The following SLC25A26 variants were observed in gnomAD, a reference collection of about 807,000 sequenced individuals.
SLC25A26 encodes mitochondrial S-adenosylmethionine carrier protein.
Under a neutral mutation model 37.8 loss-of-function variants are expected in SLC25A26, and 36 were observed. That is an observed-to-expected ratio of 0.95 (90% CI 0.73 to 1.26). SLC25A26 has a LOEUF of 1.26. Ranked by LOEUF, SLC25A26 falls within the 50% of genes most tolerant of loss-of-function variation. SLC25A26 has a pLI of 0.00. For missense variants in SLC25A26, 390 were observed against 331.1 expected (o/e 1.18, Z -1.38); for synonymous variants, 129 against 122.5 (o/e 1.05, Z -0.35).
intron 1 of SLC25A26, among the ~76,000 whole-genome samples, chr3:66,179,269 C>T (rs930085323): frequency 1.3e-5 from 2 of 152,142 alleles, no homozygotes; most frequent in African/African-American, 4.8e-5. Flanking sequence ...AAGCTCCAAG[C>T]AAAATTGCCG....
In SLC25A26 at chr3:66,250,857, G is replaced by C. The variant is rs150054229; in HGVS notation, c.300+7545G>C. 2.0e-5 allele frequency among the ~76,000 whole-genome samples: 3 copies of C among 152,202 alleles called. No individual in the cohort carries two copies. The East Asian group carries it at 5.8e-4, about 29-fold the overall frequency. Reference sequence around the variant, plus strand: ...TAAAAAAATTGTGCATCTATTTAAGGTATCAACACAATGTGGGATACGTAT... The same window carrying C: ...TAAAAAAATTGTGCATCTATTTAAGCTATCAACACAATGTGGGATACGTAT... On this transcript the variant is annotated intron_variant, in intron 3 of 9. Coordinates refer to ENST00000354883, the MANE Select transcript of SLC25A26 (RefSeq NM_001379210.1).
In SLC25A26 at chr3:66,262,058, GC is replaced by G; in HGVS notation, c.310del (p.Leu104Ter). ...ATCAAATTTGTCTTTTAGGTTGCCT[GC>G]CTGATTCGAGTTCCATCTGAAGTGG... ...LAASAGEVVA[C>X]LIRVPSEVVK... On this transcript the variant is annotated frameshift_variant, in exon 4 of 10. Transcript: ENST00000354883. LOFTEE classifies it high-confidence loss of function. The G allele has an allele frequency of 1.9e-6, 3 of 1,570,500 alleles. No homozygotes were observed. The highest frequency in any genetic ancestry group is 8.6e-7 in the Non-Finnish European group (1 of 1,156,328).
At chr3:66,146,555 G>T (rs1427344096) in intron 1 of SLC25A26, among the ~76,000 whole-genome samples, 1 of 151,886 alleles carries the variant, frequency 6.6e-6, no homozygotes, top group East Asian at 1.9e-4. Flanking sequence ...GGGGGGAAGA[G>T]AAAACTAATA....
intron 5 of SLC25A26, among the ~76,000 whole-genome samples, chr3:66,298,806 C>A (rs1387599064): frequency 6.6e-6 from 1 of 152,154 alleles, no homozygotes; most frequent in Non-Finnish European, 1.5e-5. Context: ...TACAGGATGA[C>A]GTTGCTATTT....
chr3:66,307,543 G>A (rs1022485975), intron 5 of SLC25A26, among the ~76,000 whole-genome samples: 20 of 152,204 alleles, frequency 1.3e-4, no homozygotes, highest in East Asian at 3.9e-4. Context: ...TGTTGTTGCC[G>A]TTGCTTTTGG....
intron 5 of SLC25A26, among the ~76,000 whole-genome samples, chr3:66,330,607 A>G (rs953360818): frequency 1.3e-5 from 2 of 150,714 alleles, no homozygotes; most frequent in African/African-American, 4.9e-5. Flanking sequence ...TAATATCTAT[A>G]TAAGTGATCC....
intron 1 of SLC25A26, among the ~76,000 whole-genome samples, chr3:66,167,968 A>G (rs1393568309): frequency 6.6e-6 from 1 of 151,862 alleles, no homozygotes; most frequent in Non-Finnish European, 1.5e-5. Context: ...AGCCTGACCA[A>G]CATGGAGAAA....
At chr3:66,144,057 T>A (rs2070078331) in intron 1 of SLC25A26, among the ~76,000 whole-genome samples, 1 of 151,724 alleles carries the variant, frequency 6.6e-6, no homozygotes, top group Admixed American at 6.6e-5. Flanking sequence ...ATACACAAAG[T>A]GGGGTAATAT....
intron 1 of SLC25A26, among the ~76,000 whole-genome samples, chr3:66,231,965 A>T (rs917870361): frequency 6.6e-6 from 1 of 152,088 alleles, no homozygotes; most frequent in Non-Finnish European, 1.5e-5. Context: ...CTATGTAGCA[A>T]TTCATTATTT....
At chr3:66,295,227 T>C (rs1008787049) in intron 5 of SLC25A26, among the ~76,000 whole-genome samples, 1 of 149,236 alleles carries the variant, frequency 6.7e-6, no homozygotes, top group African/African-American at 2.6e-5. Flanking sequence ...TCAAATTTGC[T>C]TGTGTGTTTT....
intron 5 of SLC25A26, among the ~76,000 whole-genome samples, chr3:66,265,570 C>T (rs2073712407): frequency 1.3e-5 from 2 of 152,108 alleles, no homozygotes; most frequent in African/African-American, 4.8e-5. Context: ...CGTATTTGAC[C>T]GAATACTGAA....
chr3:66,260,729 C>T (rs2073495888), intron 3 of SLC25A26, among the ~76,000 whole-genome samples: 1 of 152,174 alleles, frequency 6.6e-6, no homozygotes, highest in Non-Finnish European at 1.5e-5. Context: ...AGTTGGCAAG[C>T]TGTCACCTGT....
At chr3:66,235,117 C>A (rs1356497540) in intron 1 of SLC25A26, among the ~76,000 whole-genome samples, 2 of 152,090 alleles carry the variant, frequency 1.3e-5, no homozygotes, top group East Asian at 3.9e-4. Context: ...TTTTTGAGAC[C>A]CACATTTTGA....
chr3:66,304,974 A>G (rs1423724115), intron 5 of SLC25A26, among the ~76,000 whole-genome samples: 1 of 152,160 alleles, frequency 6.6e-6, no homozygotes, highest in Non-Finnish European at 1.5e-5. Context: ...CTTGTGATTT[A>G]TTTTTTATGA....
At chr3:66,295,317 G>A (rs1305147553) in intron 5 of SLC25A26, among the ~76,000 whole-genome samples, 2 of 152,038 alleles carry the variant, frequency 1.3e-5, no homozygotes, top group African/African-American at 2.4e-5. Flanking sequence ...TCTGCCTCCC[G>A]GGTTCAAGCA....
intron 5 of SLC25A26, among the ~76,000 whole-genome samples, chr3:66,326,009 A>G (rs562584792): frequency 6.6e-6 from 1 of 152,284 alleles, no homozygotes; most frequent in African/African-American, 2.4e-5. Flanking sequence ...TAGATTGAAG[A>G]AATATTTAGG....
intron 1 of SLC25A26, among the ~76,000 whole-genome samples, chr3:66,158,094 A>G (rs2070308980): frequency 6.6e-6 from 1 of 152,242 alleles, no homozygotes; most frequent in African/African-American, 2.4e-5. Context: ...AGAGCAAACT[A>G]TTAAACTACT....
intron 3 of SLC25A26, among the ~76,000 whole-genome samples, chr3:66,247,421 C>G (rs2072901249): frequency 6.6e-6 from 1 of 152,134 alleles, no homozygotes; most frequent in Non-Finnish European, 1.5e-5. Context: ...GATCCTCTCA[C>G]TTTAGCCTCC....
intron 1 of SLC25A26, among the ~76,000 whole-genome samples, chr3:66,169,580 G>C (rs182802203): frequency 2.0e-5 from 3 of 152,186 alleles, no homozygotes; most frequent in South Asian, 4.2e-4. Context: ...GTTTATTGTA[G>C]GTTTCGCCCT....
Sources: gnomAD v4.1 joint callset for allele counts (sites outside exome capture counted in the v4.1 genomes callset) on GRCh38, gnomAD v4.1.1 for gene constraint, MANE v1.5 for transcripts, NCBI Gene and HGNC (gene_info 2026-07-23, HGNC 2026-07-21) for gene names.